TAFA5: variants seen among roughly 807,000 people sequenced by gnomAD.
The protein encoded by TAFA5 is chemokine-like protein TAFA-5.
A neutral mutation model predicts 15.3 loss-of-function variants in TAFA5; 6 were observed. That is an observed-to-expected ratio of 0.39 (90% CI 0.21 to 0.77). The LOEUF (loss-of-function observed/expected upper bound fraction) is 0.77. Ranked by LOEUF, TAFA5 falls within the 30% of genes least tolerant of loss-of-function variation. The probability of loss-of-function intolerance (pLI) is 0.41; values close to 1 mark genes in which losing one functional copy is unlikely to be tolerated. For synonymous variants in TAFA5, 103 were observed against 80.7 expected (o/e 1.28, Z -1.48); for missense variants, 161 against 193.1 (o/e 0.83, Z 0.98).
intron 1 of TAFA5, among the ~76,000 whole-genome samples, chr22:48,534,909 G>A (rs1221656984): frequency 1.3e-5 from 2 of 152,170 alleles, no homozygotes; most frequent in Non-Finnish European, 2.9e-5. Flanking sequence ...TGGGGGTCCT[G>A]GAGGCTGAGC....
intron 3 of TAFA5, among the ~76,000 whole-genome samples, chr22:48,730,214 C>G (rs1168287180): frequency 1.3e-5 from 2 of 152,120 alleles, no homozygotes; most frequent in African/African-American, 2.4e-5. Flanking sequence ...GAAACTTCAT[C>G]TCTACTAAAA....
In TAFA5 at chr22:48,544,635, C is replaced by G. The variant is rs980960529; in HGVS notation, c.112+54931C>G. ...CTGGCTAGGTGCCTTGCATTTCCAC[C>G]CCCCTTCTTAAGGCCTGATGTGCAC... On this transcript the variant is annotated intron_variant, in intron 1 of 3. Coordinates refer to ENST00000402357, the MANE Select transcript of TAFA5 (RefSeq NM_001082967.3). 1.1e-5 allele frequency: 5 copies of G among 461,864 alleles called. No individual in the cohort carries two copies. In the East Asian group the frequency reaches 2.8e-4, roughly 26 times the overall value. The allele number at this position is 461,864 out of a possible 1,614,324, so 28.6% of individuals were successfully genotyped here. A position where few individuals can be genotyped will look rare whatever the true frequency, so the allele number is the denominator to read the frequency against.
chr22:48,638,026 G>A, intron 1 of TAFA5, among the ~76,000 whole-genome samples: 1 of 152,074 alleles, frequency 6.6e-6, no homozygotes, highest in East Asian at 1.9e-4. Context: ...AGTGCAAGGG[G>A]CGGCCAGGGT....
intron 1 of TAFA5, among the ~76,000 whole-genome samples, chr22:48,593,241 G>C (rs1219477604): frequency 3.9e-5 from 6 of 152,206 alleles, no homozygotes; most frequent in African/African-American, 1.4e-4. Flanking sequence ...GTATAAAGCG[G>C]AGCATTGGAG....
intron 2 of TAFA5, among the ~76,000 whole-genome samples, chr22:48,697,565 T>C (rs1365425180): frequency 6.6e-6 from 1 of 151,614 alleles, no homozygotes; most frequent in African/African-American, 2.4e-5. Flanking sequence ...ATGGTGGTGG[T>C]AGTATGACGG....
intron 2 of TAFA5, among the ~76,000 whole-genome samples, chr22:48,697,086 G>A (rs920016310): frequency 3.9e-5 from 6 of 152,222 alleles, no homozygotes; most frequent in Non-Finnish European, 2.9e-5. Context: ...GAAGTTCTGA[G>A]CTGTAATCTA....
intron 1 of TAFA5, among the ~76,000 whole-genome samples, chr22:48,531,993 C>G (rs1921991190): frequency 6.6e-6 from 1 of 152,244 alleles, no homozygotes; most frequent in Non-Finnish European, 1.5e-5. Context: ...GATTCTGCAG[C>G]TGAGCTCCCG....
chr22:48,575,859 C>A (rs946257807), intron 1 of TAFA5, among the ~76,000 whole-genome samples: 1 of 141,886 alleles, frequency 7.0e-6, no homozygotes, highest in Non-Finnish European at 1.6e-5. Flanking sequence ...CGGCCCCGAG[C>A]CTGGCCCGCC....
intron 1 of TAFA5, among the ~76,000 whole-genome samples, chr22:48,636,719 G>T (rs890282576): frequency 2.0e-5 from 3 of 152,236 alleles, no homozygotes; most frequent in African/African-American, 7.2e-5. Context: ...AGCCCCCAGG[G>T]CTGCTGCTGT....
chr22:48,705,648 C>T (rs923641855), intron 2 of TAFA5, among the ~76,000 whole-genome samples: 1 of 152,334 alleles, frequency 6.6e-6, no homozygotes, highest in African/African-American at 2.4e-5. Flanking sequence ...AAAAATTATT[C>T]AGAATTTCAA....
At position 48,560,868 on chromosome 22, in the gene TAFA5, C is replaced by T. The variant is rs567532921; in HGVS notation, c.112+71164C>T. 6.6e-6 allele frequency among the ~76,000 whole-genome samples: 1 copy of T among 152,246 alleles called. No individual in the cohort carries two copies. The highest frequency in any genetic ancestry group is 1.9e-4 in the East Asian group (1 of 5,176). On this transcript the variant is annotated intron_variant, in intron 1 of 3. Transcript: ENST00000402357. The surrounding 1 kb of genome is among the most constrained non-coding windows in gnomAD (Gnocchi z 4.2). ...CAGGTGATCCACCCACCTCGGCCTCCCAAAGTTCTGGGATTACAGGTGTGA... is the reference window on the plus strand; with the variant it reads ...CAGGTGATCCACCCACCTCGGCCTCTCAAAGTTCTGGGATTACAGGTGTGA...
rs566826044 is a variant in TAFA5, at chr22:48,598,850, C to T, written c.113-47747C>T. ...AAGCGCCAGGTGGTACCTGTATTTC[C>T]GACTGACTGAATATAAGTCAGGGGG... On this transcript the variant is annotated intron_variant, in intron 1 of 3. Transcript: ENST00000402357. This position sits in a 1 kb window ranked among gnomAD's most constrained non-coding sequence, Gnocchi z 4.0. 7.9e-5 allele frequency among the ~76,000 whole-genome samples: 12 copies of T among 152,230 alleles called. No homozygotes were observed. The highest frequency in any genetic ancestry group is 2.1e-4 in the South Asian group (1 of 4,814).
chr22:48,603,449 G>A (rs183875290), intron 1 of TAFA5, among the ~76,000 whole-genome samples: 3 of 152,236 alleles, frequency 2.0e-5, no homozygotes, highest in Non-Finnish European at 4.4e-5. Flanking sequence ...GGTGTCTGAC[G>A]GTCTCCTTGT....
At chr22:48,536,053 A>G (rs1300398153) in intron 1 of TAFA5, among the ~76,000 whole-genome samples, 1 of 152,242 alleles carries the variant, frequency 6.6e-6, no homozygotes, top group Non-Finnish European at 1.5e-5. Context: ...CCCCCGCCAC[A>G]GAGCTGCACC....
chr22:48,606,447 G>T (rs535803703), intron 1 of TAFA5, among the ~76,000 whole-genome samples: 1 of 152,324 alleles, frequency 6.6e-6, no homozygotes, highest in East Asian at 1.9e-4. Flanking sequence ...GTTGCTGTAG[G>T]TATTTGTCTG....
At chr22:48,517,030 G>A (rs1921432278) in intron 1 of TAFA5, among the ~76,000 whole-genome samples, 1 of 152,188 alleles carries the variant, frequency 6.6e-6, no homozygotes, top group Non-Finnish European at 1.5e-5. Flanking sequence ...CAGCCACCAT[G>A]CTGTACAACC....
chr22:48,536,110 G>T (rs968983915), intron 1 of TAFA5, among the ~76,000 whole-genome samples: 19 of 152,216 alleles, frequency 1.2e-4, no homozygotes, highest in Admixed American at 1.2e-3. Context: ...GTTGGTTTTC[G>T]TCTCCTGAAA....
chr22:48,640,284 G>A (rs370499548), intron 1 of TAFA5, among the ~76,000 whole-genome samples: 14 of 152,168 alleles, frequency 9.2e-5, no homozygotes, highest in South Asian at 6.2e-4. Flanking sequence ...CCCACGCTGC[G>A]TGGGAGCTCA....
intron 2 of TAFA5, among the ~76,000 whole-genome samples, chr22:48,678,107 G>T (rs1463449880): frequency 2.0e-5 from 3 of 152,128 alleles, no homozygotes; most frequent in Admixed American, 2.0e-4. Context: ...CAGTTCCCTG[G>T]TCCTCCTGAG....
Sources: gnomAD v4.1 joint callset for allele counts (sites outside exome capture counted in the v4.1 genomes callset) on GRCh38, gnomAD v4.1.1 for gene constraint, Gnocchi (gnomAD v3.1) non-coding constraint, MANE v1.5 for transcripts, NCBI Gene and HGNC (gene_info 2026-07-23, HGNC 2026-07-21) for gene names.